The following RNF38 variants were observed in gnomAD, a reference collection of about 807,000 sequenced individuals.
RNF38 encodes the protein ring finger protein 38.
In RNF38, 15 loss-of-function variants were observed where a neutral mutation model predicts 67.2. The observed-to-expected ratio is 0.22, with a 90% confidence interval of 0.15 to 0.34. RNF38 has a LOEUF of 0.34. Among genes scored for constraint, RNF38 ranks in the 10% least tolerant of loss-of-function variants. The pLI is 1.00. For synonymous variants in RNF38, 220 were observed against 218.8 expected, an observed-to-expected ratio of 1.01 and a Z score of -0.05; for missense variants, 524 against 639.9, an observed-to-expected ratio of 0.82 and a Z score of 1.95.
At chr9:36,416,395 AC>A in intron 2 of RNF38, among the ~76,000 whole-genome samples, 1 of 152,154 alleles carries the variant, frequency 6.6e-6, no homozygotes, top group Middle Eastern at 3.4e-3. Flanking sequence ...CCCTGACAAC[AC>A]CGTTATATCC....
intron 1 of RNF38, among the ~76,000 whole-genome samples, chr9:36,461,174 C>T (rs1587180885): frequency 2.0e-5 from 3 of 150,760 alleles, no homozygotes; most frequent in Admixed American, 6.6e-5. Context: ...AAGGCTGCAC[C>T]ACTGCACTGC....
intron 1 of RNF38, among the ~76,000 whole-genome samples, chr9:36,462,000 C>T (rs1458081344): frequency 4.6e-5 from 7 of 151,878 alleles, no homozygotes; most frequent in Non-Finnish European, 1.0e-4. Flanking sequence ...ATGCAGTGAC[C>T]GGGAAAAGAG....
intron 1 of RNF38, among the ~76,000 whole-genome samples, chr9:36,486,989 C>G (rs1370556938): frequency 1.1e-4 from 16 of 152,116 alleles, no homozygotes; most frequent in African/African-American, 3.9e-4. Flanking sequence ...CAAGCTACGG[C>G]TCTCATTGGC....
intron 2 of RNF38, among the ~76,000 whole-genome samples, chr9:36,409,477 C>T (rs1722619121): frequency 6.6e-6 from 1 of 152,142 alleles, no homozygotes; most frequent in African/African-American, 2.4e-5. Flanking sequence ...GTTTGAGATG[C>T]AAGAAACATT....
At chr9:36,432,135 T>C (rs986050643) in intron 1 of RNF38, among the ~76,000 whole-genome samples, 1 of 144,130 alleles carries the variant, frequency 6.9e-6, no homozygotes, top group Non-Finnish European at 1.6e-5. Flanking sequence ...GGTATTAAGT[T>C]TTTTTTGTTT....
chr9:36,478,469 T>C (rs1019887565), intron 1 of RNF38, among the ~76,000 whole-genome samples: 12 of 150,572 alleles, frequency 8.0e-5, no homozygotes, highest in Non-Finnish European at 1.8e-4. Context: ...TGATTTTTTT[T>C]CTGGTAGCAA....
At chr9:36,377,304 A>G (rs1274262132) in intron 2 of RNF38, among the ~76,000 whole-genome samples, 1 of 152,216 alleles carries the variant, frequency 6.6e-6, no homozygotes, top group Non-Finnish European at 1.5e-5. Context: ...AATAATTAGT[A>G]CCTGCAGCTA....
intron 6 of RNF38, among the ~76,000 whole-genome samples, chr9:36,355,724 T>C (rs1834051699): frequency 6.6e-6 from 1 of 152,160 alleles, no homozygotes; most frequent in Non-Finnish European, 1.5e-5. Context: ...TTTAGACAAG[T>C]GACATTAAAA....
chr9:36,410,643 G>A (rs1400759882), intron 2 of RNF38, among the ~76,000 whole-genome samples: 1 of 152,216 alleles, frequency 6.6e-6, no homozygotes, highest in Non-Finnish European at 1.5e-5. Flanking sequence ...GAGGCCTGCG[G>A]ATAAGACATC....
At chr9:36,484,734 A>G (rs1840361497) in intron 1 of RNF38, among the ~76,000 whole-genome samples, 1 of 152,334 alleles carries the variant, frequency 6.6e-6, no homozygotes, top group Non-Finnish European at 1.5e-5. Flanking sequence ...TTCAGATTTT[A>G]CACACGTGAA....
rs983989396 is a variant in RNF38 at position 36,366,320 on chromosome 9, T to C, written c.570+3399A>G. 1.1e-4 allele frequency among the ~76,000 whole-genome samples: 17 copies of C among 152,284 alleles called. No individual in the cohort carries two copies. In the South Asian group the frequency reaches 3.5e-3, roughly 32 times the overall value. ...TCAAAATTCCAATTATGTCATCAAA[T>C]AAAAATAAATGATTTTATTAGACTT... On this transcript the variant is annotated intron_variant, in intron 4 of 11. Transcript: ENST00000259605.
chr9:36,349,944 G>A (rs1041411116), intron 9 of RNF38, among the ~76,000 whole-genome samples: 2 of 151,914 alleles, frequency 1.3e-5, no homozygotes, highest in African/African-American at 4.8e-5. Context: ...TCCCCCTCCC[G>A]AGTAGCTGGG....
intron 1 of RNF38, among the ~76,000 whole-genome samples, chr9:36,471,342 A>G (rs775261356): frequency 6.6e-6 from 1 of 152,240 alleles, no homozygotes; most frequent in Non-Finnish European, 1.5e-5. Flanking sequence ...AATAAATTTG[A>G]GCCTTGTGTT....
rs1837902185 is a variant in RNF38, at chr9:36,400,218, T to C, written c.-110A>G. ...TCAACCCTGAAAGGAAGAACTTGCA[T>C]CCCCTGAGAACAAAACGCAGCCTAT... On this transcript the variant is annotated 5_prime_UTR_variant, in exon 1 of 12. An upstream start codon of the reference 5' UTR is lost. Coordinates refer to ENST00000259605, the MANE Select transcript of RNF38 (RefSeq NM_022781.5). The C allele has an allele frequency of 6.7e-7, 1 of 1,502,478 alleles. No individual in the cohort carries two copies. Among genetic ancestry groups the C allele is most frequent in the East Asian group, 2.4e-5 (1 of 41,630 alleles). 93.1% of individuals were successfully genotyped at this position (1,502,478 alleles called of 1,614,324 possible).
intron 4 of RNF38, among the ~76,000 whole-genome samples, chr9:36,361,742 CA>C (rs1834553161): frequency 6.6e-6 from 1 of 152,142 alleles, no homozygotes; most frequent in African/African-American, 2.4e-5. Flanking sequence ...GTTGGTGATG[CA>C]GCGTTTCTTA....
intron 2 of RNF38, among the ~76,000 whole-genome samples, chr9:36,413,378 G>A (rs1052619988): frequency 6.6e-6 from 1 of 152,120 alleles, no homozygotes; most frequent in African/African-American, 2.4e-5. Flanking sequence ...CTGCAGAACT[G>A]CAAGCCAATG....
chr9:36,350,709 C>T (rs1833629188), intron 9 of RNF38, among the ~76,000 whole-genome samples: 1 of 152,208 alleles, frequency 6.6e-6, no homozygotes, highest in South Asian at 2.1e-4. Context: ...AATCTACCTA[C>T]CTGTTATCAT....
intron 3 of RNF38, 32 bp downstream of exon 3, chr9:36,375,902 A>G: frequency 6.4e-7 from 1 of 1,565,130 alleles, no homozygotes; most frequent in South Asian, 1.2e-5. Context: ...CCAATGGAAG[A>G]AAACTTAAGA....
intron 1 of RNF38, 127 bp downstream of exon 1, chr9:36,399,970 A>G (rs1837873778): frequency 9.7e-6 from 8 of 821,570 alleles, no homozygotes; most frequent in Non-Finnish European, 1.5e-5. Flanking sequence ...GAAAAAAGAA[A>G]TGGCAATTCA....
Sources: allele counts gnomAD v4.1 joint callset (sites outside exome capture counted in the v4.1 genomes callset), GRCh38; gene constraint gnomAD v4.1.1; transcripts MANE v1.5; gene names NCBI Gene and HGNC (gene_info 2026-07-23, HGNC 2026-07-21).